The following FYB1 variants were observed in gnomAD, a reference collection of about 807,000 sequenced individuals.
FYB1 encodes the protein FYN-binding protein 1.
Under a neutral mutation model 94.1 loss-of-function variants are expected in FYB1, and 41 were observed. The observed-to-expected ratio is 0.44, with a 90% CI of 0.34 to 0.57. The LOEUF is 0.57. Ranked by LOEUF, FYB1 falls within the 20% of genes least tolerant of loss-of-function variation. The pLI, the probability that FYB1 is intolerant of heterozygous loss-of-function variation, is 0.02. For synonymous variants in FYB1, 367 were observed against 353.2 expected (o/e 1.04, Z -0.44); for missense variants, 1,050 against 976.8 (o/e 1.07, Z -1.00).
At chr5:39,111,443 A>G (rs779074083) in intron 16 of FYB1, among the ~76,000 whole-genome samples, 2 of 151,908 alleles carry the variant, frequency 1.3e-5, no homozygotes, top group African/African-American at 4.8e-5. Context: ...TGATAAACTT[A>G]CGTAAATGTA....
chr5:39,250,711 C>T (rs1446132764), intron 1 of FYB1: 2 of 152,070 alleles, frequency 1.3e-5, no homozygotes, highest in Non-Finnish European at 2.9e-5. Context: ...TATCCTGGGA[C>T]GGAAGGGCGG....
chr5:39,221,694 C>A (rs552242887), upstream of FYB1, among the ~76,000 whole-genome samples: 6 of 152,160 alleles, frequency 3.9e-5, no homozygotes, highest in African/African-American at 1.4e-4. Flanking sequence ...TCTCAGATGG[C>A]CAAAACAAAA....
chr5:39,253,830 C>G (rs835197), intron 1 of FYB1, among the ~76,000 whole-genome samples: 2,780 of 152,276 alleles, frequency 0.018, 96 homozygotes, highest in African/African-American at 0.064. Context: ...TGATCCTCTT[C>G]TTCCTTCCAT....
chr5:39,124,206 T>A, intron 13 of FYB1, 47 bp downstream of exon 13: 1 of 1,358,378 alleles, frequency 7.4e-7, no homozygotes, highest in Non-Finnish European at 1.0e-6. Context: ...ACTACCACAC[T>A]GCAAGAAATG....
At chr5:39,111,837 A>G (rs949069342) in intron 16 of FYB1, among the ~76,000 whole-genome samples, 7 of 151,946 alleles carry the variant, frequency 4.6e-5, no homozygotes, top group Non-Finnish European at 8.8e-5. Context: ...GCACAATAAC[A>G]CATTACTCAG....
intron 2 of FYB1, among the ~76,000 whole-genome samples, chr5:39,194,330 G>A (rs2150470935): frequency 6.6e-6 from 1 of 152,056 alleles, no homozygotes; most frequent in South Asian, 2.1e-4. Context: ...AGACCATCTT[G>A]GACAACAAAG....
At chr5:39,256,318 C>T (rs978152437) in intron 1 of FYB1, among the ~76,000 whole-genome samples, 1 of 152,166 alleles carries the variant, frequency 6.6e-6, no homozygotes, top group African/African-American at 2.4e-5. Context: ...CAGCCCTCCC[C>T]ACCTTTTTTT....
upstream of FYB1, among the ~76,000 whole-genome samples, chr5:39,223,248 T>G (rs1192134569): frequency 6.6e-6 from 1 of 152,194 alleles, no homozygotes; most frequent in African/African-American, 2.4e-5. Context: ...AATGTAAGAC[T>G]TTTAAGACAC....
At chr5:39,216,624 A>G (rs1006634617) in intron 1 of FYB1, among the ~76,000 whole-genome samples, 1 of 152,180 alleles carries the variant, frequency 6.6e-6, no homozygotes, top group Non-Finnish European at 1.5e-5. Flanking sequence ...CTGGATTTCT[A>G]TAAATATCCA....
In FYB1 at chr5:39,202,087, T is replaced by C. The variant is rs1466791587; in HGVS notation, c.874A>G (p.Lys292Glu). The C allele has an allele frequency of 6.2e-7, 1 of 1,614,070 alleles. No individual in the cohort carries two copies. The highest frequency in any genetic ancestry group is 1.1e-5 in the South Asian group (1 of 91,090). ...KKEDRKIDAA[K>E]NTFQSKINQE... ...TTTATTTTGCTCTGGAAGGTGTTCTTAGCAGCATCTATCTTCCTATCTTCC... is the reference window on the plus strand; with the variant it reads ...TTTATTTTGCTCTGGAAGGTGTTCTCAGCAGCATCTATCTTCCTATCTTCC... The change falls in exon 2 of 19, where the codon AAG becomes GAG. Residue 292 changes from lysine to glutamate, a missense_variant. Physicochemically the swap from Lys to Glu is moderately conservative, Grantham distance 56. Transcript: ENST00000512982.
At chr5:39,121,830 CT>C (rs1315799516) in intron 14 of FYB1, among the ~76,000 whole-genome samples, 2 of 151,756 alleles carry the variant, frequency 1.3e-5, no homozygotes, top group South Asian at 4.2e-4. Flanking sequence ...ATCTTTTTTT[CT>C]TTTTTTCATA....
chr5:39,265,716 C>G (rs1273597539), intron 1 of FYB1, among the ~76,000 whole-genome samples: 1 of 152,112 alleles, frequency 6.6e-6, no homozygotes, highest in Non-Finnish European at 1.5e-5. Context: ...ATCCTTGACC[C>G]TCCCAGTGAT....
chr5:39,221,506 A>G (rs1750261453), upstream of FYB1, among the ~76,000 whole-genome samples: 1 of 152,242 alleles, frequency 6.6e-6, no homozygotes, highest in South Asian at 2.1e-4. Flanking sequence ...GATGAGTATT[A>G]AGCTCAAAGT....
chr5:39,217,983 T>C (rs1750001414), intron 1 of FYB1, among the ~76,000 whole-genome samples: 1 of 152,204 alleles, frequency 6.6e-6, no homozygotes, highest in Admixed American at 6.5e-5. Flanking sequence ...GTGATTGCTC[T>C]ATGAAGCAGC....
chr5:39,152,904 T>C (rs1279904066), intron 3 of FYB1, among the ~76,000 whole-genome samples: 1 of 152,238 alleles, frequency 6.6e-6, no homozygotes, highest in Admixed American at 6.5e-5. Context: ...TCAGACTACA[T>C]TGGTTGAAAT....
At chr5:39,188,702 T>C (rs1747082000) in intron 2 of FYB1, among the ~76,000 whole-genome samples, 1 of 152,200 alleles carries the variant, frequency 6.6e-6, no homozygotes, top group East Asian at 1.9e-4. Context: ...CGGCTAATTT[T>C]TTGTACTTTT....
intron 7 of FYB1, among the ~76,000 whole-genome samples, chr5:39,135,592 C>A (rs1267714700): frequency 6.6e-6 from 1 of 152,182 alleles, no homozygotes; most frequent in African/African-American, 2.4e-5. Context: ...GAATCCTAAA[C>A]TCTTAATTTT....
intron 2 of FYB1, among the ~76,000 whole-genome samples, chr5:39,156,001 T>C (rs1242289653): frequency 6.6e-6 from 1 of 152,210 alleles, no homozygotes; most frequent in East Asian, 1.9e-4. Context: ...AATACGCCTC[T>C]GTGAGTAGAT....
At chr5:39,216,784 A>G (rs1749904458) in intron 1 of FYB1, among the ~76,000 whole-genome samples, 1 of 152,202 alleles carries the variant, frequency 6.6e-6, no homozygotes, top group Non-Finnish European at 1.5e-5. Flanking sequence ...CATTGGTCAC[A>G]GGCAGCATGT....
Sources: allele counts gnomAD v4.1 joint callset (sites outside exome capture counted in the v4.1 genomes callset), GRCh38; gene constraint gnomAD v4.1.1; transcripts MANE v1.5; gene names NCBI Gene and HGNC (gene_info 2026-07-23, HGNC 2026-07-21).